The following PARP1 variants were observed in gnomAD, a reference collection of about 807,000 sequenced individuals.
PARP1 encodes the protein poly [ADP-ribose] polymerase 1.
PARP1 carries 44 observed loss-of-function variants against 118.7 expected under a neutral mutation model. The ratio of observed to expected loss-of-function variants is 0.37; its 90% CI spans 0.29 to 0.48. The LOEUF is 0.48. PARP1 is among the 20% of genes least tolerant of loss of function. The probability of loss-of-function intolerance (pLI) is 0.99; values close to 1 mark genes in which losing one functional copy is unlikely to be tolerated. For synonymous variants in PARP1, 492 were observed against 483.2 expected (o/e 1.02, Z -0.24); for missense variants, 1,100 against 1,272.4 (o/e 0.86, Z 2.06).
intron 2 of PARP1, chr1:226,392,553 G>A (rs566764887): frequency 2.3e-5 from 13 of 566,432 alleles, no homozygotes; most frequent in African/African-American, 9.3e-5. Flanking sequence ...AGCATATCAG[G>A]GGGTGGTCAG....
chr1:226,402,516 G>C, intron 1 of PARP1, 137 bp from the exon 2 acceptor site: 4 of 810,614 alleles, frequency 4.9e-6, no homozygotes, highest in Non-Finnish European at 6.2e-6. Context: ...TCTCCTATCT[G>C]TGAAAGGAGG....
intron 19 of PARP1, 35 bp downstream of exon 19, chr1:226,364,967 G>A (rs1362714570): frequency 1.2e-6 from 2 of 1,611,538 alleles, no homozygotes; most frequent in Admixed American, 1.7e-5. Context: ...TGCAGAGACA[G>A]GCATTGCCCA....
At chr1:226,397,267 G>A (rs1664942278) in intron 2 of PARP1, among the ~76,000 whole-genome samples, 1 of 152,108 alleles carries the variant, frequency 6.6e-6, no homozygotes, top group Non-Finnish European at 1.5e-5. Context: ...ACTGCAGTGA[G>A]CTAAGATCAT....
chr1:226,387,302 A>G (rs1230464656), intron 5 of PARP1, among the ~76,000 whole-genome samples: 4 of 152,134 alleles, frequency 2.6e-5, no homozygotes, highest in Non-Finnish European at 5.9e-5. Context: ...ATTTATTCTC[A>G]TAACAATCAA....
intron 2 of PARP1, among the ~76,000 whole-genome samples, chr1:226,394,033 C>A (rs1201467692): frequency 6.6e-6 from 1 of 152,160 alleles, no homozygotes; most frequent in South Asian, 2.1e-4. Context: ...GAATCAGTAT[C>A]TTTTACATTT....
At chr1:226,369,118 A>C (rs547402814) in intron 15 of PARP1, among the ~76,000 whole-genome samples, 1 of 152,360 alleles carries the variant, frequency 6.6e-6, no homozygotes, top group East Asian at 1.9e-4. Flanking sequence ...CTTCCTGAAG[A>C]CTATTGCATG....
At chr1:226,407,482 T>G (rs1665173023) in intron 1 of PARP1, among the ~76,000 whole-genome samples, 1 of 150,106 alleles carries the variant, frequency 6.7e-6, no homozygotes, top group Non-Finnish European at 1.5e-5. Context: ...CATGTACAAT[T>G]CCCCCCCAAC....
At chr1:226,386,536 T>C in intron 5 of PARP1, 94 bp from the exon 6 acceptor site, 1 of 852,376 alleles carries the variant, frequency 1.2e-6, no homozygotes, top group East Asian at 2.4e-5. Context: ...CCTCCAGTTA[T>C]ACCCTTGTGC....
intron 1 of PARP1, among the ~76,000 whole-genome samples, chr1:226,403,079 G>A (rs565618327): frequency 3.3e-4 from 51 of 152,330 alleles, no homozygotes; most frequent in African/African-American, 1.0e-3. Flanking sequence ...TTTCCCAGGC[G>A]TAGGACCTGA....
chr1:226,383,574 A>G (rs1664661838), intron 7 of PARP1, among the ~76,000 whole-genome samples: 1 of 152,218 alleles, frequency 6.6e-6, no homozygotes, highest in East Asian at 1.9e-4. Context: ...GTGGGATCAC[A>G]TGCCTACTCC....
intron 7 of PARP1, 66 bp from the exon 8 acceptor site, chr1:226,383,249 A>G: frequency 7.6e-7 from 1 of 1,307,878 alleles, no homozygotes; most frequent in Non-Finnish European, 1.1e-6. Context: ...CATAGACCAA[A>G]GAGGATTTGG....
intron 3 of PARP1, 104 bp downstream of exon 3, chr1:226,392,095 G>A: frequency 2.5e-6 from 2 of 806,462 alleles, no homozygotes; most frequent in Non-Finnish European, 4.4e-6. Flanking sequence ...CTTACGTTGA[G>A]CTAGCACCCT....
At chr1:226,391,874 C>T (rs1374291400) in intron 3 of PARP1, among the ~76,000 whole-genome samples, 1 of 152,178 alleles carries the variant, frequency 6.6e-6, no homozygotes, top group Non-Finnish European at 1.5e-5. Flanking sequence ...ACAGGGTAAA[C>T]ACACTCCTTA....
intron 12 of PARP1, 122 bp downstream of exon 12, chr1:226,379,020 T>C: frequency 8.5e-7 from 1 of 1,181,952 alleles, no homozygotes; most frequent in South Asian, 1.2e-5. Context: ...TTGATCTCTG[T>C]GATTAGATTT....
At chr1:226,371,212 T>C (rs1480412161) in intron 14 of PARP1, 1 of 155,646 alleles carries the variant, frequency 6.4e-6, no homozygotes, top group African/African-American at 2.4e-5. Context: ...GCCCTGCCTA[T>C]TTGGCTCAGC....
At chr1:226,373,579 T>C (rs2102731794) in intron 14 of PARP1, among the ~76,000 whole-genome samples, 1 of 152,320 alleles carries the variant, frequency 6.6e-6, no homozygotes, top group Admixed American at 6.5e-5. Context: ...AGCCTCTGCC[T>C]GCAGTCTCTG....
At chr1:226,389,728 ATG>A (rs1664787377) in intron 4 of PARP1, among the ~76,000 whole-genome samples, 1 of 152,190 alleles carries the variant, frequency 6.6e-6, no homozygotes, top group South Asian at 2.1e-4. Context: ...AACTGAGATA[ATG>A]TGTGATGGCT....
intron 22 of PARP1, 28 bp downstream of exon 22, chr1:226,361,941 C>T: frequency 7.5e-7 from 1 of 1,328,416 alleles, no homozygotes; most frequent in Non-Finnish European, 1.1e-6. Context: ...TCCCTTTGTG[C>T]TCACACAGCA....
chr1:226,402,052 A>C, intron 2 of PARP1, 162 bp downstream of exon 2: 1 of 1,539,606 alleles, frequency 6.5e-7, no homozygotes, highest in Non-Finnish European at 8.8e-7. Context: ...GATGATGCTG[A>C]GTCCAGGAGG....
Sources: gnomAD v4.1 joint callset for allele counts (sites outside exome capture counted in the v4.1 genomes callset) on GRCh38, gnomAD v4.1.1 for gene constraint, MANE v1.5 for transcripts, NCBI Gene and HGNC (gene_info 2026-07-23, HGNC 2026-07-21) for gene names.